Variants in CDH13 observed in about 807,000 individuals in gnomAD.
The protein encoded by CDH13 is cadherin 13.
CDH13 carries 24 observed loss-of-function variants against 63.8 expected under a neutral mutation model. That is an observed-to-expected ratio of 0.38 (90% confidence interval 0.27 to 0.53). The LOEUF is 0.53. CDH13 is among the 20% of genes least tolerant of loss of function. The probability of loss-of-function intolerance (pLI) is 0.85; values close to 1 mark genes in which losing one functional copy is unlikely to be tolerated. For synonymous variants in CDH13, 503 were observed against 355.3 expected (o/e 1.42, Z -4.67); for missense variants, 1,049 against 903.1 (o/e 1.16, Z -2.07).
At chr16:83,052,776 CAAAAAAAAAAAAAAAAA>C (rs71148805) in intron 3 of CDH13, among the ~76,000 whole-genome samples, 4 of 92,878 alleles carry the variant, frequency 4.3e-5, no homozygotes, top group South Asian at 3.5e-4. Flanking sequence ...GACTTTATCT[CAAAAAAAAAAAAAAAAA>C]AAAAAAAAAA....
At chr16:83,588,275 T>C (rs575372730) in intron 7 of CDH13, among the ~76,000 whole-genome samples, 2 of 152,352 alleles carry the variant, frequency 1.3e-5, no homozygotes, top group East Asian at 3.9e-4. Flanking sequence ...ATTCAGCCTG[T>C]CTAACATTGC....
At chr16:82,855,879 G>T (rs954951005) in intron 1 of CDH13, among the ~76,000 whole-genome samples, 13 of 152,156 alleles carry the variant, frequency 8.5e-5, no homozygotes, top group African/African-American at 3.1e-4. Context: ...GGTATTTAGA[G>T]AGAAGCCCTG....
chr16:83,678,178 C>T (rs774196033), intron 9 of CDH13, 30 bp from the exon 10 acceptor site: 1 of 1,579,568 alleles, frequency 6.3e-7, no homozygotes, highest in Non-Finnish European at 8.6e-7. Flanking sequence ...GGCTGGTGTG[C>T]ATCCTGAGAC....
intron 2 of CDH13, 35 bp from the exon 3 acceptor site, chr16:83,031,975 C>A: frequency 6.6e-7 from 1 of 1,520,618 alleles, no homozygotes; most frequent in East Asian, 2.4e-5. Context: ...GCCCAACCTA[C>A]TCATGCTCCT....
chr16:83,369,848 T>C (rs545602568), intron 6 of CDH13, among the ~76,000 whole-genome samples: 1 of 152,314 alleles, frequency 6.6e-6, no homozygotes, highest in East Asian at 1.9e-4. Context: ...AGCCTCGTGT[T>C]TGTATTCATG....
chr16:83,213,226 G>T (rs1354618960), intron 4 of CDH13, among the ~76,000 whole-genome samples: 1 of 152,146 alleles, frequency 6.6e-6, no homozygotes, highest in Non-Finnish European at 1.5e-5. Flanking sequence ...TAAGACCTTT[G>T]TGTCTGTACC....
chr16:83,226,788 C>T (rs1462390460), intron 5 of CDH13, among the ~76,000 whole-genome samples: 1 of 152,178 alleles, frequency 6.6e-6, no homozygotes, highest in Non-Finnish European at 1.5e-5. Flanking sequence ...ACTTGAGATT[C>T]CCTGGCTATG....
At chr16:83,057,190 C>T (rs1355333898) in intron 3 of CDH13, among the ~76,000 whole-genome samples, 3 of 152,156 alleles carry the variant, frequency 2.0e-5, no homozygotes, top group Admixed American at 6.5e-5. Context: ...TGGTCTTGAT[C>T]TCCTGACCTC....
chr16:83,382,403 G>T (rs555338899), intron 6 of CDH13, among the ~76,000 whole-genome samples: 6 of 152,242 alleles, frequency 3.9e-5, no homozygotes, highest in Admixed American at 2.0e-4. Flanking sequence ...CAGAAAAGTT[G>T]CACGAACAGA....
chr16:83,686,662 A>G (rs1249753470), intron 10 of CDH13, among the ~76,000 whole-genome samples: 2 of 152,238 alleles, frequency 1.3e-5, no homozygotes, highest in East Asian at 1.9e-4. Flanking sequence ...TCCAAAAGCA[A>G]AAGTATAAAA....
At chr16:83,650,260 C>G (rs1184156326) in intron 8 of CDH13, among the ~76,000 whole-genome samples, 1 of 152,206 alleles carries the variant, frequency 6.6e-6, no homozygotes, top group African/African-American at 2.4e-5. Flanking sequence ...GGATTATCAG[C>G]TGCTAATTCA....
intron 10 of CDH13, chr16:83,725,881 T>G (rs1296460149): frequency 1.3e-5 from 2 of 152,254 alleles, no homozygotes; most frequent in Non-Finnish European, 2.9e-5. Flanking sequence ...CCTTTGGAAC[T>G]GATAAATGGA....
In CDH13 at chr16:82,716,431, A is replaced by G. The variant is rs149723023; in HGVS notation, c.45+89294A>G. ...TCTCTCCCAATTGCCTTTGTAACAC[A>G]TCTGCTAAATTTAGATAAGTCACAA... On this transcript the variant is annotated intron_variant, in intron 1 of 13. Transcript: ENST00000567109. 2.0e-4 allele frequency among the ~76,000 whole-genome samples: 31 copies of G among 152,040 alleles called. No homozygotes were observed. In the East Asian group the frequency reaches 5.6e-3, roughly 27 times the overall value.
chr16:82,909,252 ATGTGTGTGTGTGTG>A (rs10527714), intron 2 of CDH13, among the ~76,000 whole-genome samples: 9 of 146,840 alleles, frequency 6.1e-5, no homozygotes, highest in South Asian at 4.5e-4. Flanking sequence ...CTGACTGTAT[ATGTGTGTGTGTGTG>A]TGTGTGTGTG....
chr16:83,147,962 C>A (rs2036820741), intron 4 of CDH13, among the ~76,000 whole-genome samples: 1 of 152,132 alleles, frequency 6.6e-6, no homozygotes, highest in Admixed American at 6.5e-5. Context: ...GAGATGGAGT[C>A]TCACTCTGTT....
chr16:83,374,184 C>T (rs1019453655), intron 6 of CDH13, among the ~76,000 whole-genome samples: 1 of 152,184 alleles, frequency 6.6e-6, no homozygotes, highest in South Asian at 2.1e-4. Flanking sequence ...CTTAGTCCAA[C>T]CCCTTAGCCT....
intron 6 of CDH13, among the ~76,000 whole-genome samples, chr16:83,368,098 T>C (rs570003914): frequency 6.6e-6 from 1 of 152,348 alleles, no homozygotes; most frequent in Non-Finnish European, 1.5e-5. Flanking sequence ...ATTTAATCAA[T>C]TGATTCTTGT....
chr16:83,102,417 G>T (rs1597339152), intron 3 of CDH13, among the ~76,000 whole-genome samples: 1 of 152,342 alleles, frequency 6.6e-6, no homozygotes, highest in East Asian at 1.9e-4. Context: ...TGAAGTGGGG[G>T]TGGGTCTGGT....
At chr16:83,511,025 C>A (rs949363028) in intron 7 of CDH13, among the ~76,000 whole-genome samples, 1 of 152,270 alleles carries the variant, frequency 6.6e-6, no homozygotes, top group South Asian at 2.1e-4. Flanking sequence ...CACACATACA[C>A]GGACACGCAC....
Sources: allele counts gnomAD v4.1 joint callset (sites outside exome capture counted in the v4.1 genomes callset), GRCh38; gene constraint gnomAD v4.1.1; transcripts MANE v1.5; gene names NCBI Gene and HGNC (gene_info 2026-07-23, HGNC 2026-07-21).